RBM25: variants seen among roughly 807,000 people sequenced by gnomAD.
RBM25 encodes the protein RNA-binding protein 25.
In RBM25, 19 loss-of-function variants were observed where a neutral mutation model predicts 120.7. The observed-to-expected ratio is 0.16, with a 90% CI of 0.11 to 0.23. RBM25 has a LOEUF of 0.23. Ranked by LOEUF, RBM25 falls within the 10% of genes least tolerant of loss-of-function variation. The pLI is 1.00. For missense variants in RBM25, 605 were observed against 1,041.5 expected, an observed-to-expected ratio of 0.58 and a Z score of 5.77; for synonymous variants, 390 against 326.7, an observed-to-expected ratio of 1.19 and a Z score of -2.09.
chr14:73,086,592 G>A (rs963140013), intron 5 of RBM25, among the ~76,000 whole-genome samples: 1 of 152,110 alleles, frequency 6.6e-6, no homozygotes, highest in Non-Finnish European at 1.5e-5. Context: ...GAGTTTCAAG[G>A]CCATTGGGGA....
rs113162665 is a variant in RBM25, at chr14:73,111,940, A to G, written c.2292+138A>G. The G allele has an allele frequency of 5.5e-5, 66 of 1,209,256 alleles. No homozygotes were observed. In the South Asian group the frequency reaches 7.6e-4, roughly 14 times the overall value. The allele number at this position is 1,209,256 out of a possible 1,614,324, so 74.9% of individuals were successfully genotyped here. Reference sequence around the variant, plus strand: ...GGATGATCATCTTGACACCAACTCAATGCCATGGTCAAGAAATTAGTAATA... The same window carrying G: ...GGATGATCATCTTGACACCAACTCAGTGCCATGGTCAAGAAATTAGTAATA... On this transcript the variant is annotated intron_variant, in intron 16 of 18. Coordinates refer to ENST00000261973, the MANE Select transcript of RBM25 (RefSeq NM_021239.3).
chr14:73,105,038 T>TACACACACACACACACACAC (rs57281649), intron 10 of RBM25, among the ~76,000 whole-genome samples: 5,157 of 141,076 alleles, frequency 0.037, 129 homozygotes, highest in South Asian at 0.1. Flanking sequence ...ACATATTAAA[T>TACACACACACACACACACAC]ACACACACAC....
At chr14:73,094,861 T>G (rs1392950201) in intron 6 of RBM25, among the ~76,000 whole-genome samples, 7 of 146,358 alleles carry the variant, frequency 4.8e-5, no homozygotes, top group Non-Finnish European at 1.1e-4. Context: ...GTGTGTGTGT[T>G]TTTGATGGGG....
chr14:73,119,652 T>C, intron 18 of RBM25, 61 bp from the exon 19 acceptor site: 1 of 1,597,944 alleles, frequency 6.3e-7, no homozygotes, highest in Non-Finnish European at 8.5e-7. Flanking sequence ...CTGGCCACTG[T>C]TTTTGGCAGA....
rs879930570 is a variant in RBM25 at position 73,121,196 on chromosome 14, AT to A, written c.*1405del. 351 of 145,940 alleles carry A rather than the reference AT, an allele frequency of 2.4e-3. No individual in the cohort carries two copies. Among genetic ancestry groups the A allele is most frequent in the Non-Finnish European group, 2.3e-3 (152 of 65,752 alleles). 9.0% of individuals were successfully genotyped at this position (145,940 alleles called of 1,614,324 possible). On this transcript the variant is annotated 3_prime_UTR_variant, in exon 19 of 19. Coordinates refer to ENST00000261973, the MANE Select transcript of RBM25 (RefSeq NM_021239.3). ...CATAATGTGAGCTTTGGATTACTGG[AT>A]TTTTTTTTTTTTTAAACACACCTGG... is the stretch of plus-strand genomic sequence containing the variant.
intron 1 of RBM25, chr14:73,068,270 A>G (rs556522035): frequency 1.1e-5 from 9 of 839,454 alleles, no homozygotes; most frequent in East Asian, 2.6e-5. Context: ...TTAGACCCCA[A>G]TAGATTTGGT....
At position 73,086,458 on chromosome 14, in the gene RBM25, G is replaced by A. The variant is rs189296399; in HGVS notation, c.383-1543G>A. Among the ~76,000 whole-genome samples the A allele has an allele frequency of 4.3e-3, 646 of 151,480 alleles. 13 individuals are homozygous for A. The highest frequency in any genetic ancestry group is 0.03 in the Admixed American group (462 of 15,178). On this transcript the variant is annotated intron_variant, in intron 5 of 18. Coordinates refer to ENST00000261973, the MANE Select transcript of RBM25 (RefSeq NM_021239.3). ...TCTAAAAAAAAAAAAAAACAAAACA[G>A]TGGTTTGGTGTTTGCTTTTAGGTTT...
chr14:73,083,092 A>C (rs1895602719), intron 4 of RBM25, among the ~76,000 whole-genome samples: 10 of 152,134 alleles, frequency 6.6e-5, no homozygotes, highest in Admixed American at 6.6e-4. Context: ...AAGAAAAAAA[A>C]ATCCTTTATA....
At position 73,077,470 on chromosome 14, in the gene RBM25, T is replaced by C. The variant is rs1011024955; in HGVS notation, c.258T>C (p.Thr86=). The change falls in exon 4 of 19, where the codon ACT becomes ACC. Residue 86 remains threonine (T), a synonymous_variant. Transcript: ENST00000261973. ...AAAATGATGAAAATTGTGGTCCTAC[T>C]ACCACTGTTTTTGTTGGCAACATTT... ...AKENDENCGP[T]TTVFVGNISE... The C allele has an allele frequency of 1.9e-6, 3 of 1,613,986 alleles. No homozygotes were observed. The African/African-American group carries it at 4.0e-5, about 22-fold the overall frequency.
Position 73,064,635 on chromosome 14 carries a change from C to T in RBM25, c.-16+5930C>T, listed in dbSNP as rs933853174. Among the ~76,000 whole-genome samples, 42 of 151,222 alleles carry T rather than the reference C, an allele frequency of 2.8e-4. 1 individual carries two copies. Among genetic ancestry groups the T allele is most frequent in the Middle Eastern group, 3.4e-3 (1 of 294 alleles). On this transcript the variant is annotated intron_variant, in intron 1 of 18. Coordinates refer to ENST00000261973, the MANE Select transcript of RBM25 (RefSeq NM_021239.3). ...GCCTCGAACTCCTGACCTTGTGATC[C>T]GCCCGCCTCAGCCTCCCAAAGTGCT...
At chr14:73,116,609 T>C (rs542531888) in intron 18 of RBM25, among the ~76,000 whole-genome samples, 1 of 152,182 alleles carries the variant, frequency 6.6e-6, no homozygotes, top group Non-Finnish European at 1.5e-5. Context: ...TTCTGAACTT[T>C]CCTGAAGCTT....
At chr14:73,117,205 C>CTT (rs1896448964) in intron 18 of RBM25, among the ~76,000 whole-genome samples, 4 of 36,562 alleles carry the variant, frequency 1.1e-4, no homozygotes, top group Non-Finnish European at 2.3e-4. Flanking sequence ...TTTCTTTCTT[C>CTT]TTTTCTTTTT....
chr14:73,075,200 C>G (rs756396807), intron 2 of RBM25, among the ~76,000 whole-genome samples: 1 of 151,894 alleles, frequency 6.6e-6, no homozygotes, highest in Non-Finnish European at 1.5e-5. Context: ...TTGCACCTGT[C>G]CCCCAGGCTG....
chr14:73,118,268 G>T (rs1486114991), intron 18 of RBM25, among the ~76,000 whole-genome samples: 1 of 152,094 alleles, frequency 6.6e-6, no homozygotes, highest in African/African-American at 2.4e-5. Flanking sequence ...TTGAGCCCAG[G>T]AGTTTGAGAC....
chr14:73,116,371 T>C (rs1261499357), intron 18 of RBM25, among the ~76,000 whole-genome samples: 1 of 152,144 alleles, frequency 6.6e-6, no homozygotes, highest in Non-Finnish European at 1.5e-5. Context: ...CCACCAGAGA[T>C]GTCAGGGAGG....
Position 73,120,495 on chromosome 14 carries a change from T to TGA in RBM25, c.*690_*691insGA, listed in dbSNP as rs1896520708. 1 of 152,622 alleles carries TGA rather than the reference T, an allele frequency of 6.6e-6. No individual in the cohort carries two copies. Among genetic ancestry groups the TGA allele is most frequent in the Non-Finnish European group, 1.5e-5 (1 of 68,040 alleles). 9.5% of individuals were successfully genotyped at this position (152,622 alleles called of 1,614,324 possible). A position where few individuals can be genotyped will look rare whatever the true frequency, so the allele number is the denominator to read the frequency against. ...GTTATTAGTTTCCCAGAGCATGGTG[T>TGA]TCTCGTGTCGTGAGCAATGTGGTTT... On this transcript the variant is annotated 3_prime_UTR_variant, in exon 19 of 19. Coordinates refer to ENST00000261973, the MANE Select transcript of RBM25 (RefSeq NM_021239.3).
At chr14:73,110,474 C>T (rs1258746991) in intron 14 of RBM25, among the ~76,000 whole-genome samples, 1 of 150,866 alleles carries the variant, frequency 6.6e-6, no homozygotes, top group Non-Finnish European at 1.5e-5. Flanking sequence ...GCTTTGTTGC[C>T]CAGGCTGTAG....
chr14:73,109,204 A>T, intron 13 of RBM25, 138 bp from the exon 14 acceptor site: 1 of 867,480 alleles, frequency 1.2e-6, no homozygotes, highest in Non-Finnish European at 1.8e-6. Flanking sequence ...TGTGTTCCGT[A>T]GATACAGAAC....
intron 18 of RBM25, among the ~76,000 whole-genome samples, chr14:73,116,180 A>G (rs1003238103): frequency 1.3e-5 from 2 of 151,970 alleles, no homozygotes; most frequent in South Asian, 2.1e-4. Context: ...GCTCTAGGAG[A>G]TAGAGGAGGG....
Sources: gnomAD v4.1 joint callset for allele counts (sites outside exome capture counted in the v4.1 genomes callset) on GRCh38, gnomAD v4.1.1 for gene constraint, MANE v1.5 for transcripts, NCBI Gene and HGNC (gene_info 2026-07-23, HGNC 2026-07-21) for gene names.